Variants in FHIT observed in about 807,000 individuals in gnomAD.
FHIT encodes the protein fragile histidine triad diadenosine triphosphatase.
A neutral mutation model predicts 17.9 loss-of-function variants in FHIT; 19 were observed. The observed-to-expected ratio is 1.06, with a 90% confidence interval of 0.74 to 1.56. The LOEUF (loss-of-function observed/expected upper bound fraction) is 1.56. Ranked by LOEUF, FHIT falls within the 40% of genes most tolerant of loss-of-function variation. The pLI, the probability that FHIT is intolerant of heterozygous loss-of-function variation, is 0.00. For missense variants in FHIT, 248 were observed against 189.2 expected (o/e 1.31, Z -1.82); for synonymous variants, 81 against 69.7 (o/e 1.16, Z -0.81).
At chr3:59,917,642 G>A (rs1452993236) in intron 8 of FHIT, among the ~76,000 whole-genome samples, 1 of 152,208 alleles carries the variant, frequency 6.6e-6, no homozygotes, top group African/African-American at 2.4e-5. Flanking sequence ...AATAAGATCT[G>A]CATAGACAAC....
At position 60,530,984 on chromosome 3, in the gene FHIT, G is replaced by A. The variant is rs147697919; in HGVS notation, c.103+5876C>T. On this transcript the variant is annotated intron_variant, in intron 5 of 9. Transcript: ENST00000492590. ...GGAAAAAGAAAGGTCCAACTTAACA[G>A]TCACTGCTAAATGCATGTCTTTGAA... Among the ~76,000 whole-genome samples the A allele has an allele frequency of 5.1e-4, 78 of 152,270 alleles. 1 individual carries two copies. Among genetic ancestry groups the A allele is most frequent in the African/African-American group, 1.8e-3 (73 of 41,562 alleles).
At chr3:60,338,427 A>G (rs1467197090) in intron 5 of FHIT, among the ~76,000 whole-genome samples, 3 of 152,170 alleles carry the variant, frequency 2.0e-5, no homozygotes, top group Non-Finnish European at 4.4e-5. Context: ...GTGCAGCGGC[A>G]TGATCTCCAC....
At chr3:61,083,091 T>C (rs1469516672) in intron 2 of FHIT, among the ~76,000 whole-genome samples, 1 of 152,258 alleles carries the variant, frequency 6.6e-6, no homozygotes, top group Non-Finnish European at 1.5e-5. Flanking sequence ...GTGATGTCTT[T>C]AGTTCATAAA....
chr3:59,868,266 G>A (rs1702751070), intron 8 of FHIT, among the ~76,000 whole-genome samples: 1 of 151,936 alleles, frequency 6.6e-6, no homozygotes, highest in Non-Finnish European at 1.5e-5. Flanking sequence ...AGAGATTGAC[G>A]TTGTTCCATT....
At chr3:60,529,851 A>G (rs1214729219) in intron 5 of FHIT, among the ~76,000 whole-genome samples, 1 of 152,202 alleles carries the variant, frequency 6.6e-6, no homozygotes, top group African/African-American at 2.4e-5. Flanking sequence ...CATTCACTAG[A>G]ATTGGAGAAA....
intron 2 of FHIT, among the ~76,000 whole-genome samples, chr3:61,147,899 A>G (rs2037273153): frequency 6.6e-6 from 1 of 152,022 alleles, no homozygotes; most frequent in Non-Finnish European, 1.5e-5. Flanking sequence ...TGGCCAGTAT[A>G]TTCATGATAA....
chr3:60,466,590 T>A (rs1156628581), intron 5 of FHIT, among the ~76,000 whole-genome samples: 1 of 152,108 alleles, frequency 6.6e-6, no homozygotes, highest in Non-Finnish European at 1.5e-5. Flanking sequence ...GAAAGGATGT[T>A]GAATTTTATG....
intron 4 of FHIT, among the ~76,000 whole-genome samples, chr3:60,728,282 T>C (rs1416702593): frequency 2.0e-5 from 3 of 152,224 alleles, no homozygotes; most frequent in Non-Finnish European, 4.4e-5. Flanking sequence ...CCAATAACCC[T>C]GTCAAAAGGA....
At position 59,855,728 on chromosome 3, in the gene FHIT, A is replaced by G. The variant is rs185212650; in HGVS notation, c.348+66618T>C. On this transcript the variant is annotated intron_variant, in intron 8 of 9. Coordinates refer to ENST00000492590, the MANE Select transcript of FHIT (RefSeq NM_002012.4). ...AATAGAAAAATATTTTCTAGAAAAG[A>G]TCAAAAAAGTCAAAAGTAGATTCTT... Among the ~76,000 whole-genome samples the G allele has an allele frequency of 8.3e-4, 127 of 152,302 alleles. 1 individual carries two copies. The highest frequency in any genetic ancestry group is 2.9e-3 in the African/African-American group (121 of 41,584).
chr3:61,089,272 T>G (rs1310826939), intron 2 of FHIT, among the ~76,000 whole-genome samples: 1 of 152,234 alleles, frequency 6.6e-6, no homozygotes, highest in Non-Finnish European at 1.5e-5. Context: ...TTTTTAAGTG[T>G]ACAGTTTTGT....
intron 5 of FHIT, among the ~76,000 whole-genome samples, chr3:60,522,124 T>TC (rs1341957893): frequency 1.3e-5 from 2 of 151,180 alleles, no homozygotes; most frequent in East Asian, 1.9e-4. Context: ...TTTTTTTTTT[T>TC]CTGACACAGA....
intron 5 of FHIT, among the ~76,000 whole-genome samples, chr3:60,173,915 A>ATATATATATATATATATATATTTT: frequency 1.5e-5 from 1 of 66,444 alleles, no homozygotes; most frequent in East Asian, 7.9e-4. Context: ...ATATATATAT[A>ATATATATATATATATATATATTTT]TGTTTTTTTT....
At chr3:60,276,750 G>A (rs1707156143) in intron 5 of FHIT, among the ~76,000 whole-genome samples, 1 of 152,086 alleles carries the variant, frequency 6.6e-6, no homozygotes, top group South Asian at 2.1e-4. Flanking sequence ...GAGGGCCTTG[G>A]GGAGCTTACA....
In FHIT at chr3:60,619,727, T is replaced by C. The variant is rs147710432; in HGVS notation, c.-17-82748A>G. 3.4e-3 allele frequency among the ~76,000 whole-genome samples: 513 copies of C among 150,578 alleles called. 2 individuals are homozygous for C. Among genetic ancestry groups the C allele is most frequent in the African/African-American group, 0.012 (496 of 40,838 alleles). On this transcript the variant is annotated intron_variant, in intron 4 of 9. Transcript: ENST00000492590. ...AAACCATAGAACTCCTAGAAAATAATGTACAAGAAAGTTCAGCTGATCTTG... is the reference window on the plus strand; with the variant it reads ...AAACCATAGAACTCCTAGAAAATAACGTACAAGAAAGTTCAGCTGATCTTG...
At chr3:60,586,196 C>A (rs563887553) in intron 4 of FHIT, among the ~76,000 whole-genome samples, 11 of 151,864 alleles carry the variant, frequency 7.2e-5, no homozygotes, top group Non-Finnish European at 1.3e-4. Flanking sequence ...CTGCTGAGTT[C>A]TTTTACATCT....
chr3:60,161,804 A>C (rs1280546282), intron 5 of FHIT, among the ~76,000 whole-genome samples: 1 of 152,186 alleles, frequency 6.6e-6, no homozygotes, highest in Non-Finnish European at 1.5e-5. Flanking sequence ...GAGACACACA[A>C]AGAGGGGCAC....
At chr3:60,711,220 G>C (rs1407244617) in intron 4 of FHIT, among the ~76,000 whole-genome samples, 1 of 152,142 alleles carries the variant, frequency 6.6e-6, no homozygotes, top group African/African-American at 2.4e-5. Flanking sequence ...GGTCCTGTCT[G>C]TTAGAAGGAA....
intron 2 of FHIT, among the ~76,000 whole-genome samples, chr3:61,104,130 G>T (rs1365880298): frequency 6.6e-6 from 1 of 152,060 alleles, no homozygotes; most frequent in Non-Finnish European, 1.5e-5. Context: ...TGGTTATTTT[G>T]CAGACTTGTT....
intron 2 of FHIT, among the ~76,000 whole-genome samples, chr3:61,163,698 A>C (rs2037759131): frequency 6.6e-6 from 1 of 151,904 alleles, no homozygotes; most frequent in African/African-American, 2.4e-5. Flanking sequence ...AGGCTTGCTA[A>C]GTTCCCCCCA....
Sources: gnomAD v4.1 joint callset for allele counts (sites outside exome capture counted in the v4.1 genomes callset) on GRCh38, gnomAD v4.1.1 for gene constraint, MANE v1.5 for transcripts, NCBI Gene and HGNC (gene_info 2026-07-23, HGNC 2026-07-21) for gene names.